Variants in ZC3H3 observed in about 807,000 individuals in gnomAD.
ZC3H3 encodes zinc finger CCCH domain-containing protein 3.
ZC3H3 carries 36 observed loss-of-function variants against 77.3 expected under a neutral mutation model. That is an observed-to-expected ratio of 0.47 (90% CI 0.36 to 0.61). The LOEUF is 0.61. ZC3H3 is among the 20% of genes least tolerant of loss of function. The pLI is 0.00. For missense variants in ZC3H3, 1,331 were observed against 1,312.2 expected, an observed-to-expected ratio of 1.01 and a Z score of -0.22; for synonymous variants, 626 against 555.2, an observed-to-expected ratio of 1.13 and a Z score of -1.79.
chr8:143,503,900 C>T (rs780223563), intron 4 of ZC3H3, among the ~76,000 whole-genome samples: 6 of 152,248 alleles, frequency 3.9e-5, no homozygotes, highest in African/African-American at 9.6e-5. Context: ...CAGCCATCAA[C>T]GGGCCCTGAC....
intron 9 of ZC3H3, among the ~76,000 whole-genome samples, chr8:143,454,888 C>T (rs1820074278): frequency 6.6e-6 from 1 of 152,138 alleles, no homozygotes; most frequent in Admixed American, 6.6e-5. Context: ...GGTACTGCAG[C>T]ACTTGTGTCC....
intron 3 of ZC3H3, among the ~76,000 whole-genome samples, chr8:143,527,695 G>C (rs990951032): frequency 1.2e-4 from 19 of 152,162 alleles, no homozygotes; most frequent in African/African-American, 4.3e-4. Context: ...GTTCACCGCA[G>C]TAAAATTGAA....
intron 3 of ZC3H3, among the ~76,000 whole-genome samples, chr8:143,516,603 C>G (rs542688463): frequency 6.6e-6 from 1 of 151,318 alleles, no homozygotes; most frequent in South Asian, 2.1e-4. Context: ...ACATGCTCAC[C>G]CCACAACAGA....
intron 9 of ZC3H3, among the ~76,000 whole-genome samples, chr8:143,457,100 A>C (rs1820141939): frequency 1.3e-5 from 2 of 152,234 alleles, no homozygotes; most frequent in Admixed American, 1.3e-4. Flanking sequence ...AGCAAGCTCT[A>C]TTAGACATTT....
intron 1 of ZC3H3, 99 bp from the exon 2 acceptor site, chr8:143,539,419 C>T (rs1288059542): frequency 8.1e-7 from 1 of 1,234,130 alleles, no homozygotes; most frequent in Non-Finnish European, 1.1e-6. Flanking sequence ...CCCCAGATCC[C>T]ATCTCACTTC....
intron 3 of ZC3H3, among the ~76,000 whole-genome samples, chr8:143,520,820 C>T (rs957099846): frequency 6.6e-6 from 1 of 152,222 alleles, no homozygotes; most frequent in Admixed American, 6.5e-5. Flanking sequence ...CACTGACAGG[C>T]AGCTCACGGT....
chr8:143,458,180 C>G (rs965273997), intron 9 of ZC3H3, among the ~76,000 whole-genome samples: 3 of 152,176 alleles, frequency 2.0e-5, no homozygotes, highest in Non-Finnish European at 4.4e-5. Context: ...ATCAAAAGGA[C>G]AATTATTAAA....
At position 143,465,843 on chromosome 8, in the gene ZC3H3, C is replaced by T. The variant is rs201102880; in HGVS notation, c.2181G>A (p.Pro727=). The T allele has an allele frequency of 2.2e-5, 35 of 1,610,716 alleles. No individual in the cohort carries two copies. Among genetic ancestry groups the T allele is most frequent in the Admixed American group, 5.0e-5 (3 of 59,976 alleles). Residue 727 remains proline, a synonymous_variant, in exon 9 of 12, where the codon CCG becomes CCA. Coordinates refer to ENST00000262577, the MANE Select transcript of ZC3H3 (RefSeq NM_015117.3). ...FSHHVSKEKM[P]VCSYFLKGIC... is the part of the protein sequence containing the mutation. Reference sequence around the variant, plus strand: ...TGCCCTTCAGGAAGTAGGAGCACACCGGCATCTGCAGGGAGGGCCGGCAGT... The same window carrying T: ...TGCCCTTCAGGAAGTAGGAGCACACTGGCATCTGCAGGGAGGGCCGGCAGT...
At chr8:143,536,493 G>A in intron 2 of ZC3H3, 40 bp from the exon 3 acceptor site, 1 of 1,454,642 alleles carries the variant, frequency 6.9e-7, no homozygotes, top group Non-Finnish European at 9.1e-7. Flanking sequence ...ACAAGCCCTG[G>A]GGGTTCTGCC....
chr8:143,524,958 A>G (rs950937024), intron 3 of ZC3H3, among the ~76,000 whole-genome samples: 1 of 152,260 alleles, frequency 6.6e-6, no homozygotes, highest in Non-Finnish European at 1.5e-5. Context: ...GATCTCCGAG[A>G]CCAGGGCTCT....
intron 3 of ZC3H3, among the ~76,000 whole-genome samples, chr8:143,526,199 A>G (rs1822407480): frequency 6.6e-6 from 1 of 152,258 alleles, no homozygotes; most frequent in Non-Finnish European, 1.5e-5. Context: ...GTCTGCCATC[A>G]GGCAAGAGCC....
rs78283009 is a variant in ZC3H3, at chr8:143,518,536, C to T, written c.1562-10637G>A. On this transcript the variant is annotated intron_variant, in intron 3 of 11. Transcript: ENST00000262577. ...GAAACCGCAGGCTGCCAGGACTCCC[C>T]GGCCACATGCCGCTCTCCTCTGGGC... Among the ~76,000 whole-genome samples, 6 of 152,380 alleles carry T rather than the reference C, an allele frequency of 3.9e-5. No homozygotes were observed. The East Asian group carries it at 9.6e-4, about 24-fold the overall frequency.
intron 3 of ZC3H3, among the ~76,000 whole-genome samples, chr8:143,522,632 T>C (rs981859350): frequency 3.3e-5 from 5 of 150,830 alleles, no homozygotes; most frequent in African/African-American, 9.8e-5. Flanking sequence ...CACACAAATA[T>C]ATTGGGCTGG....
At position 143,533,933 on chromosome 8, in the gene ZC3H3, C is replaced by T. The variant is rs531513879; in HGVS notation, c.1561+2324G>A. ...TCAGGTGATCCACCCGCCTCGGCCT[C>T]CCAGTGTGCTGGGATTACAGGCATG... On this transcript the variant is annotated intron_variant, in intron 3 of 11. Coordinates refer to ENST00000262577, the MANE Select transcript of ZC3H3 (RefSeq NM_015117.3). This position sits in a 1 kb window ranked among gnomAD's most constrained non-coding sequence, Gnocchi z 4.0. Among the ~76,000 whole-genome samples, 4 of 152,202 alleles carry T rather than the reference C, an allele frequency of 2.6e-5. No individual in the cohort carries two copies. Among genetic ancestry groups the T allele is most frequent in the African/African-American group, 9.6e-5 (4 of 41,566 alleles).
At position 143,515,380 on chromosome 8, in the gene ZC3H3, G is replaced by T. The variant is rs561122026; in HGVS notation, c.1562-7481C>A. Among the ~76,000 whole-genome samples the T allele has an allele frequency of 3.9e-5, 6 of 152,378 alleles. No individual in the cohort carries two copies. The South Asian group carries it at 1.2e-3, about 32-fold the overall frequency. On this transcript the variant is annotated intron_variant, in intron 3 of 11. Coordinates refer to ENST00000262577, the MANE Select transcript of ZC3H3 (RefSeq NM_015117.3). Reference sequence around the variant, plus strand: ...GCGAGGGGCTGCAGTGATTAGTACTGATGAGCACACAAACCGGGCCAGTCA... The same window carrying T: ...GCGAGGGGCTGCAGTGATTAGTACTTATGAGCACACAAACCGGGCCAGTCA...
intron 4 of ZC3H3, among the ~76,000 whole-genome samples, chr8:143,476,536 A>AG (rs1820739513): frequency 6.6e-6 from 1 of 152,066 alleles, no homozygotes; most frequent in African/African-American, 2.4e-5. Context: ...CCACACCCAC[A>AG]GCCCTGCGGA....
chr8:143,464,614 G>A (rs928262204), intron 9 of ZC3H3, among the ~76,000 whole-genome samples: 1 of 152,220 alleles, frequency 6.6e-6, no homozygotes, highest in African/African-American at 2.4e-5. Context: ...CAGGAGAGCC[G>A]CCAGAGCTTC....
chr8:143,465,581 G>A (rs1388170904), intron 9 of ZC3H3, 136 bp downstream of exon 9: 12 of 1,346,494 alleles, frequency 8.9e-6, no homozygotes, highest in Non-Finnish European at 8.1e-6. Flanking sequence ...AGTCACCTGT[G>A]AGGTGGACGT....
intron 5 of ZC3H3, among the ~76,000 whole-genome samples, chr8:143,474,001 G>A (rs1444695474): frequency 1.1e-4 from 17 of 152,298 alleles, no homozygotes; most frequent in Non-Finnish European, 1.5e-5. Context: ...GGTAACCAGA[G>A]AAGGCCCTGC....
Sources: gnomAD v4.1 joint callset for allele counts (sites outside exome capture counted in the v4.1 genomes callset) on GRCh38, gnomAD v4.1.1 for gene constraint, Gnocchi (gnomAD v3.1) non-coding constraint, MANE v1.5 for transcripts, NCBI Gene and HGNC (gene_info 2026-07-23, HGNC 2026-07-21) for gene names.